Variants in ARHGEF11 observed in about 807,000 individuals in gnomAD.
ARHGEF11 encodes the protein Rho guanine nucleotide exchange factor 11.
In ARHGEF11, 55 loss-of-function variants were observed where a neutral mutation model predicts 193.7. That is an observed-to-expected ratio of 0.28 (90% CI 0.23 to 0.36). ARHGEF11 has a LOEUF of 0.36. Among genes scored for constraint, ARHGEF11 ranks in the 10% least tolerant of loss-of-function variants. The pLI is 1.00. For synonymous variants in ARHGEF11, 693 were observed against 768.0 expected (o/e 0.90, Z 1.62); for missense variants, 1,723 against 2,005.6 (o/e 0.86, Z 2.69).
chr1:157,028,163 T>C (rs1253214766), intron 1 of ARHGEF11, among the ~76,000 whole-genome samples: 1 of 152,136 alleles, frequency 6.6e-6, no homozygotes, highest in Non-Finnish European at 1.5e-5. Flanking sequence ...TTGGGAGCAA[T>C]GGATAAACTG....
chr1:156,948,561 G>A lies in ARHGEF11; in HGVS notation c.1926-63C>T. ...GTCAGTGGGCCATGCTTACATCCTG[G>A]CTAACTCTTACCTGTGGCTCCATCT... On this transcript the variant is annotated intron_variant, in intron 22 of 40. Coordinates refer to ENST00000368194, the MANE Select transcript of ARHGEF11 (RefSeq NM_198236.3). This position sits in a 1 kb window ranked among gnomAD's most constrained non-coding sequence, Gnocchi z 4.2. The A allele has an allele frequency of 1.2e-6, 2 of 1,613,482 alleles. No individual in the cohort carries two copies. The highest frequency in any genetic ancestry group is 1.7e-6 in the Non-Finnish European group (2 of 1,179,926).
intron 1 of ARHGEF11, among the ~76,000 whole-genome samples, chr1:157,014,091 G>T (rs552498636): frequency 1.3e-5 from 2 of 152,058 alleles, no homozygotes; most frequent in Non-Finnish European, 2.9e-5. Flanking sequence ...CTCCAATCAC[G>T]GTTTTATTAG....
At chr1:156,952,378 G>A (rs1557847889) in intron 21 of ARHGEF11, among the ~76,000 whole-genome samples, 1 of 152,204 alleles carries the variant, frequency 6.6e-6, no homozygotes, top group Non-Finnish European at 1.5e-5. Context: ...GCCAACTACA[G>A]CCCCTGGAGA....
At chr1:157,007,899 G>GTTTTTT (rs11290114) in intron 1 of ARHGEF11, among the ~76,000 whole-genome samples, 1 of 128,948 alleles carries the variant, frequency 7.8e-6, no homozygotes. Flanking sequence ...GAAGGCAAAG[G>GTTTTTT]TTTTTTTTTT....
intron 7 of ARHGEF11, among the ~76,000 whole-genome samples, chr1:156,974,481 G>A (rs1177198092): frequency 1.3e-5 from 2 of 152,112 alleles, no homozygotes; most frequent in African/African-American, 2.4e-5. Flanking sequence ...GACTTTAAGA[G>A]CATTAAAATT....
At chr1:156,957,970 T>C (rs375505592) in intron 17 of ARHGEF11, among the ~76,000 whole-genome samples, 155 bp from the exon 18 acceptor site, 1 of 152,220 alleles carries the variant, frequency 6.6e-6, no homozygotes, top group Non-Finnish European at 1.5e-5. Flanking sequence ...ATTTGGTACA[T>C]AGCAGGAACT....
chr1:156,969,929 G>C (rs146343105), intron 9 of ARHGEF11, 69 bp downstream of exon 9: 38,054 of 1,498,884 alleles, frequency 0.025, 597 homozygotes, highest in South Asian at 0.053. Flanking sequence ...TGCCCCATGG[G>C]GAGGGTAAAC....
At chr1:157,038,029 CAAAAA>C (rs145416871) in intron 1 of ARHGEF11, among the ~76,000 whole-genome samples, 1 of 45,502 alleles carries the variant, frequency 2.2e-5, no homozygotes, top group African/African-American at 9.2e-5. Context: ...AAGACTGTCT[CAAAAA>C]AAAAAAAAAA....
chr1:156,949,259 T>C (rs1658712587), intron 22 of ARHGEF11, among the ~76,000 whole-genome samples: 1 of 152,186 alleles, frequency 6.6e-6, no homozygotes, highest in Non-Finnish European at 1.5e-5. Context: ...GATGAGATGC[T>C]GATGACTGGG....
Position 156,938,525 on chromosome 1 carries a change from C to A in ARHGEF11, c.4097-12G>T, listed in dbSNP as rs1378130347. The A allele has an allele frequency of 6.2e-7, 1 of 1,602,052 alleles. No individual in the cohort carries two copies. The stretch of plus-strand genomic sequence containing the variant: ...GCCTGCCACCTCAGCTGCACCGACA[C>A]CACCACCACCAGGAAGAGGAGAGAC... On this transcript the variant is annotated splice_polypyrimidine_tract_variant and intron_variant, in intron 37 of 40. Coordinates refer to ENST00000368194, the MANE Select transcript of ARHGEF11 (RefSeq NM_198236.3).
At chr1:156,984,513 G>A (rs1478443097) in intron 2 of ARHGEF11, 76 bp from the exon 3 acceptor site, 6 of 1,065,470 alleles carry the variant, frequency 5.6e-6, no homozygotes, top group African/African-American at 1.6e-5. Context: ...CCAACCCAGG[G>A]AAGCCCCAGT....
rs780521823 is a variant in ARHGEF11 at position 156,969,291 on chromosome 1, G to T, written c.816C>A (p.Ser272=). The change falls in exon 10 of 41, where the codon TCC becomes TCA. Residue 272 remains serine (S), a synonymous_variant. Coordinates refer to ENST00000368194, the MANE Select transcript of ARHGEF11 (RefSeq NM_198236.3). ...GLDSGTERFP[S]LSESLMNRNS... ...CCCTGCTGGGACTCACCTCACTGAG[G>T]GAAGGAAAGCGTTCTGTCCCAGAGT... 6.2e-7 allele frequency: 1 copy of T among 1,602,526 alleles called. No individual in the cohort carries two copies.
chr1:156,983,928 A>G (rs527717543), intron 3 of ARHGEF11, among the ~76,000 whole-genome samples: 164 of 152,316 alleles, frequency 1.1e-3, no homozygotes, highest in African/African-American at 3.7e-3. Flanking sequence ...CATTTGGACC[A>G]TTGTGCCTGT....
intron 1 of ARHGEF11, among the ~76,000 whole-genome samples, chr1:157,016,080 C>CA (rs1203522815): frequency 3.3e-5 from 5 of 152,280 alleles, no homozygotes; most frequent in African/African-American, 1.2e-4. Flanking sequence ...TGCCAGGAGT[C>CA]AGACTACCCA....
Position 156,939,916 on chromosome 1 carries a change from G to C in ARHGEF11, c.3734-6C>G. The stretch of plus-strand genomic sequence containing the variant: ...CAGATGTCGCAGGTTCTCCACTGGA[G>C]GGGAAACAGGGTGATGTCTTCCCAG... On this transcript the variant is annotated splice_region_variant and splice_polypyrimidine_tract_variant and intron_variant, in intron 36 of 40. Transcript: ENST00000368194. 6.3e-7 allele frequency: 1 copy of C among 1,599,936 alleles called. No homozygotes were observed. The highest frequency in any genetic ancestry group is 8.5e-7 in the Non-Finnish European group (1 of 1,179,166).
intron 6 of ARHGEF11, 65 bp from the exon 7 acceptor site, chr1:156,977,119 T>C (rs1663377624): frequency 1.4e-6 from 2 of 1,397,148 alleles, no homozygotes; most frequent in Non-Finnish European, 2.0e-6. Flanking sequence ...CTCTCTTCTA[T>C]CTGCTGGTTC....
In ARHGEF11 at chr1:157,045,740, A is replaced by G. The variant is rs974455429; in HGVS notation, c.-1410T>C. Reference sequence around the variant, plus strand: ...GCAGGCCGGCACGAGCGGGCGTCCGACTGCCGGCGTCGCGGCCGCGCTCGC... The same window carrying G: ...GCAGGCCGGCACGAGCGGGCGTCCGGCTGCCGGCGTCGCGGCCGCGCTCGC... On this transcript the variant is annotated 5_prime_UTR_variant, in exon 1 of 41. Transcript: ENST00000368194. Among the ~76,000 whole-genome samples, 27 of 149,904 alleles carry G rather than the reference A, an allele frequency of 1.8e-4. No homozygotes were observed. Among genetic ancestry groups the G allele is most frequent in the Non-Finnish European group, 3.3e-4 (22 of 67,024 alleles).
At chr1:157,010,185 A>AT (rs1219062903) in intron 1 of ARHGEF11, among the ~76,000 whole-genome samples, 1 of 152,158 alleles carries the variant, frequency 6.6e-6, no homozygotes, top group Non-Finnish European at 1.5e-5. Context: ...AATAAAATAA[A>AT]TTTTAAAAAC....
In ARHGEF11 at chr1:156,945,439, GC is replaced by G. The variant is rs1657942163; in HGVS notation, c.2813-243del. The G allele has an allele frequency of 7.5e-6, 4 of 529,994 alleles. No individual in the cohort carries two copies. The South Asian group carries it at 9.6e-5, about 13-fold the overall frequency. 32.8% of individuals were successfully genotyped at this position (529,994 alleles called of 1,614,324 possible). On this transcript the variant is annotated intron_variant, in intron 29 of 40. Transcript: ENST00000368194. ...ACGCTGATAGCTCCTGGGAATCCCT[GC>G]CTCTACTACAACCAGCTCTACAGAT... is the stretch of plus-strand genomic sequence containing the variant.
Sources: allele counts gnomAD v4.1 joint callset (sites outside exome capture counted in the v4.1 genomes callset), GRCh38; gene constraint gnomAD v4.1.1; non-coding constraint Gnocchi (gnomAD v3.1); transcripts MANE v1.5; gene names NCBI Gene and HGNC (gene_info 2026-07-23, HGNC 2026-07-21).